Variants in ATP8B2 observed in about 807,000 individuals in gnomAD.
The protein encoded by ATP8B2 is ATPase phospholipid transporting 8B2, also known as phospholipid-transporting ATPase ID.
A neutral mutation model predicts 133.4 loss-of-function variants in ATP8B2; 70 were observed. That is an observed-to-expected ratio of 0.52 (90% CI 0.43 to 0.64). The LOEUF is 0.64. Ranked by LOEUF, ATP8B2 falls within the 30% of genes least tolerant of loss-of-function variation. The pLI, the probability that ATP8B2 is intolerant of heterozygous loss-of-function variation, is 0.00. For synonymous variants in ATP8B2, 517 were observed against 589.5 expected (o/e 0.88, Z 1.78); for missense variants, 1,101 against 1,535.7 (o/e 0.72, Z 4.73).
chr1:154,335,682 C>A (rs1178078681), intron 11 of ATP8B2, among the ~76,000 whole-genome samples: 2 of 150,856 alleles, frequency 1.3e-5, no homozygotes, highest in African/African-American at 2.4e-5. Context: ...CAAAGCAAGA[C>A]CCTGTTTCAA....
intron 26 of ATP8B2, 54 bp from the exon 27 acceptor site, chr1:154,348,354 C>T (rs1686662195): frequency 1.0e-5 from 16 of 1,549,788 alleles, no homozygotes; most frequent in Middle Eastern, 3.4e-4. Context: ...GAAATGGGAA[C>T]GGGGAATGTC....
Position 154,349,086 on chromosome 1 carries a change from A to G in ATP8B2, c.3541A>G (p.Ser1181Gly). 2 of 1,614,164 alleles carry G rather than the reference A, an allele frequency of 1.2e-6. No homozygotes were observed. The highest frequency in any genetic ancestry group is 1.7e-6 in the Non-Finnish European group (2 of 1,179,986). The change falls in exon 28 of 28, where the codon AGT becomes GGT. Residue 1181 changes from serine to glycine, a missense_variant. By Grantham distance (56) the Ser-to-Gly change is moderately conservative (BLOSUM62 0). Transcript: ENST00000368489. Reference protein sequence around the residue: ...RKKSDSASSPSGGADKPLKG With the variant: ...RKKSDSASSPGGGADKPLKG ...GAAGAGTGACAGTGCCAGTAGCCCCAGTGGCGGTGCCGACAAGCCCCTCAA... is the reference window on the plus strand; with the variant it reads ...GAAGAGTGACAGTGCCAGTAGCCCCGGTGGCGGTGCCGACAAGCCCCTCAA...
intron 12 of ATP8B2, chr1:154,337,804 G>T: frequency 7.4e-7 from 1 of 1,356,960 alleles, no homozygotes; most frequent in Non-Finnish European, 9.7e-7. Flanking sequence ...TGTGTACAAA[G>T]AAGTGTGCTA....
intron 3 of ATP8B2, 135 bp from the exon 4 acceptor site, chr1:154,330,680 T>A: frequency 3.7e-6 from 3 of 806,026 alleles, no homozygotes; most frequent in Non-Finnish European, 6.1e-6. Flanking sequence ...CTCCTCCTCT[T>A]TCCCCCTCCC....
chr1:154,335,813 G>GTGGA (rs1273771586), intron 11 of ATP8B2, among the ~76,000 whole-genome samples: 2 of 152,106 alleles, frequency 1.3e-5, no homozygotes, highest in Non-Finnish European at 2.9e-5. Flanking sequence ...ACCGAGGTGG[G>GTGGA]TGGATCACGA....
Position 154,328,168 on chromosome 1 carries a change from C to G in ATP8B2, c.27C>G (p.Pro9=), listed in dbSNP as rs1470568765. The part of the protein sequence containing the change: MAVCAKKR[P]PEEERRARAN... ...TGGCAGTGTGTGCAAAAAAGCGCCC[C>G]CCAGGTAAGACAGGCAAGGAGGGGA... The change falls in exon 2 of 28, where the codon CCC becomes CCG. Residue 9 remains proline (P), a synonymous_variant. Coordinates refer to ENST00000368489, the MANE Select transcript of ATP8B2 (RefSeq NM_001370597.1). This position sits in a 1 kb window ranked among gnomAD's most constrained non-coding sequence, Gnocchi z 4.6. 3.1e-6 allele frequency: 5 copies of G among 1,613,722 alleles called. No individual in the cohort carries two copies. The highest frequency in any genetic ancestry group is 4.2e-6 in the Non-Finnish European group (5 of 1,179,848).
chr1:154,348,327 G>A, intron 26 of ATP8B2, 81 bp from the exon 27 acceptor site: 1 of 1,472,112 alleles, frequency 6.8e-7, no homozygotes, highest in Non-Finnish European at 9.2e-7. Context: ...TTTGAGAGTA[G>A]GGAAGTGGAG....
Position 154,331,896 on chromosome 1 carries a change from C to T in ATP8B2, c.439-58C>T. 1 of 1,532,682 alleles carries T rather than the reference C, an allele frequency of 6.5e-7. No homozygotes were observed. The highest frequency in any genetic ancestry group is 9.0e-7 in the Non-Finnish European group (1 of 1,106,378). 94.9% of individuals were successfully genotyped at this position (1,532,682 alleles called of 1,614,324 possible). A position where few individuals can be genotyped will look rare whatever the true frequency, so the allele number is the denominator to read the frequency against. ...TGCTTAGTGGAAGGAGCCACCATTA[C>T]AGCCCACTGGGGGTGGAGGTTTGCA... On this transcript the variant is annotated intron_variant, in intron 7 of 27. Coordinates refer to ENST00000368489, the MANE Select transcript of ATP8B2 (RefSeq NM_001370597.1). This position sits in a 1 kb window ranked among gnomAD's most constrained non-coding sequence, Gnocchi z 4.8.
rs769092404 is a variant in ATP8B2, at chr1:154,342,668, G to A, written c.1288-128G>A. 9.7e-6 allele frequency: 14 copies of A among 1,443,298 alleles called. No homozygotes were observed. In the East Asian group the frequency reaches 2.0e-4, roughly 21 times the overall value. The allele number at this position is 1,443,298 out of a possible 1,614,324, so 89.4% of individuals were successfully genotyped here. On this transcript the variant is annotated intron_variant, in intron 14 of 27. Coordinates refer to ENST00000368489, the MANE Select transcript of ATP8B2 (RefSeq NM_001370597.1). The stretch of plus-strand genomic sequence containing the variant: ...GTTTTAAGGCAGAACTGGTGATGAC[G>A]GAAGTGGAAATTTTGAGGTCCACCG...
Position 154,340,939 on chromosome 1 carries a change from G to C in ATP8B2, c.1120G>C (p.Ala374Pro), listed in dbSNP as rs955883553. Residue 374 changes from alanine (A) to proline (P), a missense_variant, in exon 13 of 28, where the codon GCC becomes CCC. Transcript: ENST00000368489. This position sits in a 1 kb window ranked among gnomAD's most constrained non-coding sequence, Gnocchi z 4.0. Reference sequence around the variant, plus strand: ...CATGAAGAAGCGGACGCCTGCAGAAGCCCGCACCACCACCCTAAACGAGGA... The same window carrying C: ...CATGAAGAAGCGGACGCCTGCAGAACCCCGCACCACCACCCTAAACGAGGA... ...FCMKKRTPAE[A>P]RTTTLNEELG... is the part of the protein sequence containing the mutation. The C allele has an allele frequency of 6.2e-7, 1 of 1,614,194 alleles. No individual in the cohort carries two copies. Among genetic ancestry groups the C allele is most frequent in the Admixed American group, 1.7e-5 (1 of 60,020 alleles).
intron 11 of ATP8B2, among the ~76,000 whole-genome samples, chr1:154,335,413 C>T (rs536761085): frequency 1.9e-4 from 29 of 152,228 alleles, no homozygotes; most frequent in Non-Finnish European, 3.2e-4. Context: ...AAATCTAGAC[C>T]AGGAGTGGTG....
At chr1:154,348,638 G>A in intron 27 of ATP8B2, 100 bp downstream of exon 27, 1 of 1,516,560 alleles carries the variant, frequency 6.6e-7, no homozygotes, top group Non-Finnish European at 8.9e-7. Context: ...TGGCTGTTCA[G>A]TGTGTTGGTG....
intron 2 of ATP8B2, among the ~76,000 whole-genome samples, 162 bp from the exon 3 acceptor site, chr1:154,330,234 G>C (rs1685935599): frequency 6.6e-6 from 1 of 152,100 alleles, no homozygotes; most frequent in African/African-American, 2.4e-5. Flanking sequence ...TGGTCAGGCT[G>C]CTGGTGAGAG....
At chr1:154,330,611 T>C (rs1570848240) in intron 3 of ATP8B2, 157 bp downstream of exon 3, 2 of 821,358 alleles carry the variant, frequency 2.4e-6, no homozygotes, top group East Asian at 5.2e-5. Flanking sequence ...GTGCTGAATT[T>C]TTCATGCCTT....
chr1:154,341,024 T>C lies in ATP8B2; in HGVS notation c.1205T>C (p.Met402Thr), dbSNP rs1232443852. The C allele has an allele frequency of 3.1e-6, 5 of 1,614,152 alleles. No individual in the cohort carries two copies. The highest frequency in any genetic ancestry group is 2.2e-5 in the East Asian group (1 of 44,882). ...ACGGGCACCCTCACCCAGAACATCA[T>C]GGTTTTCAACAAGTGCTCCATCAAT... is the stretch of plus-strand genomic sequence containing the variant. ...DKTGTLTQNIMVFNKCSINGH... is the reference protein window; with the variant it reads ...DKTGTLTQNITVFNKCSINGH... Residue 402 changes from methionine (M) to threonine (T), a missense_variant, in exon 13 of 28, where the codon ATG becomes ACG. Transcript: ENST00000368489.
At position 154,331,457 on chromosome 1, in the gene ATP8B2, G is replaced by C. The variant is rs1480644463; in HGVS notation, c.317G>C (p.Ser106Thr). Residue 106 changes from serine (S) to threonine (T), a missense_variant, in exon 6 of 28, where the codon AGC (serine) becomes ACC (threonine). Transcript: ENST00000368489. The surrounding 1 kb of genome is among the most constrained non-coding windows in gnomAD (Gnocchi z 4.8). ...DATDDYFRHK[S>T]DNQVNNRQSQ... is the part of the protein sequence containing the mutation. Reference sequence around the variant, plus strand: ...TCTTCTTTTCAGTTCCGCCACAAGAGCGATAACCAGGTGAATAACCGCCAG... The same window carrying C: ...TCTTCTTTTCAGTTCCGCCACAAGACCGATAACCAGGTGAATAACCGCCAG... 1 of 1,614,000 alleles carries C rather than the reference G, an allele frequency of 6.2e-7. No individual in the cohort carries two copies. Among genetic ancestry groups the C allele is most frequent in the Non-Finnish European group, 8.5e-7 (1 of 1,180,050 alleles).
At position 154,328,635 on chromosome 1, in the gene ATP8B2, T is replaced by G. The variant is rs1250728880; in HGVS notation, c.31+463T>G. Among the ~76,000 whole-genome samples the G allele has an allele frequency of 1.3e-5, 2 of 151,932 alleles. No homozygotes were observed. Among genetic ancestry groups the G allele is most frequent in the East Asian group, 3.9e-4 (2 of 5,130 alleles). ...CCGGGGGTGGGAGGGGAGGCGGGGC[T>G]CGCGCGCGAGCTTTCGCCTACGCGG... On this transcript the variant is annotated intron_variant, in intron 2 of 27. Coordinates refer to ENST00000368489, the MANE Select transcript of ATP8B2 (RefSeq NM_001370597.1). This position sits in a 1 kb window ranked among gnomAD's most constrained non-coding sequence, Gnocchi z 4.6.
rs567252138 is a variant in ATP8B2 at position 154,330,558 on chromosome 1, G to C, written c.90+104G>C. Reference sequence around the variant, plus strand: ...GAGGGCTGCCTGGGAAGAGTGCTTGGGGGAGGGGAAGCAACCTCCTCAGCC... The same window carrying C: ...GAGGGCTGCCTGGGAAGAGTGCTTGCGGGAGGGGAAGCAACCTCCTCAGCC... On this transcript the variant is annotated intron_variant, in intron 3 of 27. Coordinates refer to ENST00000368489, the MANE Select transcript of ATP8B2 (RefSeq NM_001370597.1). 1.6e-5 allele frequency: 21 copies of C among 1,288,128 alleles called. No homozygotes were observed. The South Asian group carries it at 2.1e-4, about 13-fold the overall frequency. The allele number at this position is 1,288,128 out of a possible 1,614,324, so 79.8% of individuals were successfully genotyped here.
Position 154,344,314 on chromosome 1 carries a change from A to G in ATP8B2, c.2035+60A>G. 1 of 1,614,172 alleles carries G rather than the reference A, an allele frequency of 6.2e-7. No homozygotes were observed. Among genetic ancestry groups the G allele is most frequent in the Non-Finnish European group, 8.5e-7 (1 of 1,180,002 alleles). On this transcript the variant is annotated intron_variant, in intron 19 of 27. Transcript: ENST00000368489. The surrounding 1 kb of genome is among the most constrained non-coding windows in gnomAD (Gnocchi z 4.1). Reference sequence around the variant, plus strand: ...GACAGTAGCCCTGTTGGACCCTTGCATGGAGCCGAGGACATCAGGCAGGCA... The same window carrying G: ...GACAGTAGCCCTGTTGGACCCTTGCGTGGAGCCGAGGACATCAGGCAGGCA...
Sources: allele counts gnomAD v4.1 joint callset (sites outside exome capture counted in the v4.1 genomes callset), GRCh38; gene constraint gnomAD v4.1.1; non-coding constraint Gnocchi (gnomAD v3.1); transcripts MANE v1.5; gene names NCBI Gene and HGNC (gene_info 2026-07-23, HGNC 2026-07-21).